Variants in HIPK1 observed in about 807,000 individuals in gnomAD.
The protein encoded by HIPK1 is homeodomain-interacting protein kinase 1.
HIPK1 carries 28 observed loss-of-function variants against 117.1 expected under a neutral mutation model. That is an observed-to-expected ratio of 0.24 (90% confidence interval 0.18 to 0.33). The LOEUF (loss-of-function observed/expected upper bound fraction) is 0.33, where lower values mean the gene tolerates loss of function less well. Ranked by LOEUF, HIPK1 falls within the 10% of genes least tolerant of loss-of-function variation. The pLI, the probability that HIPK1 is intolerant of heterozygous loss-of-function variation, is 1.00. For synonymous variants in HIPK1, 605 were observed against 562.5 expected, an observed-to-expected ratio of 1.08 and a Z score of -1.07; for missense variants, 1,122 against 1,475.1, an observed-to-expected ratio of 0.76 and a Z score of 3.92.
chr1:113,973,822 T>G lies in HIPK1; in HGVS notation c.*310T>G. The G allele has an allele frequency of 4.4e-6, 1 of 226,844 alleles. No homozygotes were observed. The allele number at this position is 226,844 out of a possible 1,614,324, so 14.1% of individuals were successfully genotyped here. A position where few individuals can be genotyped will look rare whatever the true frequency, so the allele number is the denominator to read the frequency against. ...CAAGGAAGAGAGATTGTTCTGAAGT[T>G]ACCCTCTGAAAAATATTTTGTCTCT... On this transcript the variant is annotated 3_prime_UTR_variant, in exon 16 of 16. Coordinates refer to ENST00000426820, the MANE Select transcript of HIPK1 (RefSeq NM_198268.3).
chr1:113,961,929 C>T (rs952533179), intron 8 of HIPK1, among the ~76,000 whole-genome samples: 24 of 113,518 alleles, frequency 2.1e-4, no homozygotes, highest in African/African-American at 5.8e-4. Context: ...GGTGACAGAG[C>T]GAGACTCCAT....
intron 10 of HIPK1, among the ~76,000 whole-genome samples, chr1:113,965,670 C>T (rs1186233779): frequency 6.6e-6 from 1 of 152,132 alleles, no homozygotes; most frequent in African/African-American, 2.4e-5. Flanking sequence ...GGGAACAGTT[C>T]TGCCTTTTGT....
At position 113,944,754 on chromosome 1, in the gene HIPK1, C is replaced by T. The variant is rs374838969; in HGVS notation, c.1076+3295C>T. Among the ~76,000 whole-genome samples the T allele has an allele frequency of 2.0e-4, 30 of 152,102 alleles. No individual in the cohort carries two copies. In the East Asian group the frequency reaches 4.5e-3, roughly 23 times the overall value. Reference sequence around the variant, plus strand: ...GATTACAGGCATGAGCCACCGGGCCCGGTCAATAATAGCCATTCTTATGGG... The same window carrying T: ...GATTACAGGCATGAGCCACCGGGCCTGGTCAATAATAGCCATTCTTATGGG... On this transcript the variant is annotated intron_variant, in intron 2 of 15. Transcript: ENST00000426820.
rs543139503 is a variant in HIPK1 at position 113,957,277 on chromosome 1, G to T, written c.1746G>T (p.Val582=). ...GCTTCAGCAATCAGCTCAATACAGTGCACAATCAGGTATTCAATAAATAAT... is the reference window on the plus strand; with the variant it reads ...GCTTCAGCAATCAGCTCAATACAGTTCACAATCAGGTATTCAATAAATAAT... ...TMSFSNQLNT[V]HNQASVLASS... is the part of the protein sequence containing the mutation. Residue 582 remains valine (V), a synonymous_variant, in exon 7 of 16, where the codon GTG becomes GTT. Coordinates refer to ENST00000426820, the MANE Select transcript of HIPK1 (RefSeq NM_198268.3). 1.2e-5 allele frequency: 19 copies of T among 1,609,292 alleles called. No homozygotes were observed. The African/African-American group carries it at 1.3e-4, about 11-fold the overall frequency.
intron 1 of HIPK1, among the ~76,000 whole-genome samples, chr1:113,931,951 A>G (rs1018841112): frequency 1.3e-5 from 2 of 152,126 alleles, no homozygotes; most frequent in African/African-American, 4.8e-5. Flanking sequence ...TCCTCCCGTT[A>G]TCTTCCCTTC....
intron 13 of HIPK1, among the ~76,000 whole-genome samples, chr1:113,968,989 C>G (rs561280438): frequency 6.2e-4 from 95 of 152,292 alleles, no homozygotes; most frequent in East Asian, 1.2e-3. Context: ...CACTGTACTC[C>G]AGCCTGAGTG....
At chr1:113,966,527 A>G (rs1032462749) in intron 11 of HIPK1, among the ~76,000 whole-genome samples, 1 of 152,222 alleles carries the variant, frequency 6.6e-6, no homozygotes, top group Non-Finnish European at 1.5e-5. Context: ...GAAACCATAC[A>G]GTGAGATCCT....
chr1:113,939,164 C>CT (rs1279307521), intron 1 of HIPK1, among the ~76,000 whole-genome samples: 1 of 151,018 alleles, frequency 6.6e-6, no homozygotes, highest in Admixed American at 6.6e-5. Context: ...AATTTTTTTT[C>CT]TTTTTTTTGA....
intron 1 of HIPK1, among the ~76,000 whole-genome samples, chr1:113,939,179 G>A (rs905009747): frequency 3.8e-4 from 58 of 151,942 alleles, no homozygotes; most frequent in African/African-American, 1.3e-3. Flanking sequence ...TTTTGAGACA[G>A]GGTGTCATTC....
At chr1:113,932,381 T>A (rs1162376500) in intron 1 of HIPK1, among the ~76,000 whole-genome samples, 1 of 150,874 alleles carries the variant, frequency 6.6e-6, no homozygotes, top group Non-Finnish European at 1.5e-5. Context: ...TTTTTTTTTT[T>A]TTTTTTTTTT....
intron 5 of HIPK1, 93 bp downstream of exon 5, chr1:113,955,742 C>G: frequency 1.5e-6 from 1 of 650,362 alleles, no homozygotes; most frequent in Non-Finnish European, 2.7e-6. Context: ...TGTTATCTTT[C>G]TAGTATTTGT....
intron 8 of HIPK1, among the ~76,000 whole-genome samples, chr1:113,959,105 T>A (rs1223151146): frequency 1.3e-5 from 2 of 152,150 alleles, no homozygotes; most frequent in African/African-American, 4.8e-5. Context: ...TAATGACACA[T>A]TTGACTTTCC....
rs79555021 is a variant in HIPK1, at chr1:113,939,456, T to C, written c.-2-926T>C. 8.4e-3 allele frequency among the ~76,000 whole-genome samples: 1,278 copies of C among 152,102 alleles called. 6 individuals carry two copies. The highest frequency in any genetic ancestry group is 0.014 in the Non-Finnish European group (921 of 68,004). ...GTGTGATGGCATCTCATAATTAAGA[T>C]AGAAAACTGAAGGTGGGGTGGAGGC... On this transcript the variant is annotated intron_variant, in intron 1 of 15. Transcript: ENST00000426820.
At position 113,962,494 on chromosome 1, in the gene HIPK1, A is replaced by G. The variant is rs1035615020; in HGVS notation, c.2103+56A>G. 7 of 1,555,754 alleles carry G rather than the reference A, an allele frequency of 4.5e-6. No individual in the cohort carries two copies. The African/African-American group carries it at 8.2e-5, about 18-fold the overall frequency. ...ATTGCTAAACACTATTGAGATTCAG[A>G]TATTTTGTCCTAGAAAATGGTATTT... On this transcript the variant is annotated intron_variant, in intron 9 of 15. Coordinates refer to ENST00000426820, the MANE Select transcript of HIPK1 (RefSeq NM_198268.3).
chr1:113,932,583 T>A (rs1669970070), intron 1 of HIPK1, among the ~76,000 whole-genome samples: 1 of 152,056 alleles, frequency 6.6e-6, no homozygotes, highest in South Asian at 2.1e-4. Context: ...TTTGCCATGT[T>A]GGCCAGGCTG....
rs142431073 is a variant in HIPK1, at chr1:113,942,267, A to C, written c.1076+808A>C. The stretch of plus-strand genomic sequence containing the variant: ...ATAGAGATGGGGTTTCACCATGTTG[A>C]CCGGGCTGGTTTTGAACTCCTGACC... On this transcript the variant is annotated intron_variant, in intron 2 of 15. Transcript: ENST00000426820. 6.7e-3 allele frequency among the ~76,000 whole-genome samples: 1,007 copies of C among 150,626 alleles called. 11 individuals are homozygous for C. The highest frequency in any genetic ancestry group is 0.023 in the African/African-American group (937 of 40,804).
In HIPK1 at chr1:113,963,930, A is replaced by C. The variant is rs575100555; in HGVS notation, c.2238+409A>C. ...ATGGCCTTTAATTTGGCTCAGCTACAGGTACCCGGATGGCCAAAATTGAGC... is the reference window on the plus strand; with the variant it reads ...ATGGCCTTTAATTTGGCTCAGCTACCGGTACCCGGATGGCCAAAATTGAGC... On this transcript the variant is annotated intron_variant, in intron 10 of 15. Coordinates refer to ENST00000426820, the MANE Select transcript of HIPK1 (RefSeq NM_198268.3). Among the ~76,000 whole-genome samples the C allele has an allele frequency of 1.1e-3, 167 of 152,338 alleles. 3 individuals are homozygous for C. In the South Asian group the frequency reaches 0.034, roughly 31 times the overall value.
chr1:113,973,323 C>A lies in HIPK1; in HGVS notation c.3444C>A (p.His1148Gln), dbSNP rs767581586. The A allele has an allele frequency of 4.3e-6, 7 of 1,614,060 alleles. No homozygotes were observed. The highest frequency in any genetic ancestry group is 5.9e-6 in the Non-Finnish European group (7 of 1,180,034). Residue 1148 changes from histidine to glutamine, a missense_variant, in exon 16 of 16, where the codon CAC becomes CAA. Physicochemically the swap from His to Gln is conservative, Grantham distance 24 (BLOSUM62 0). This residue lies in a region of HIPK1 where 731 missense variants were observed against 860.4 expected (regional missense o/e 0.85). Transcript: ENST00000426820. ...SSRHAAAYTT[H>Q]PSTLVHQVPV... ...GGCATGCTGCAGCCTATACCACTCA[C>A]CCTAGCACTTTGGTGCACCAGGTCC...
chr1:113,933,033 T>G (rs1670001888), intron 1 of HIPK1: 1 of 212,988 alleles, frequency 4.7e-6, no homozygotes, highest in Non-Finnish European at 8.1e-6. Context: ...ATAGTTTTCT[T>G]AATTCTAAGC....
Sources: allele counts gnomAD v4.1 joint callset (sites outside exome capture counted in the v4.1 genomes callset), GRCh38; gene constraint gnomAD v4.1.1; regional missense constraint gnomAD v4.1.1; transcripts MANE v1.5; gene names NCBI Gene and HGNC (gene_info 2026-07-23, HGNC 2026-07-21).